Variants in MMP16 observed in about 807,000 individuals in gnomAD.
MMP16 encodes the protein matrix metalloproteinase-16.
MMP16 carries 12 observed loss-of-function variants against 67.8 expected under a neutral mutation model. The ratio of observed to expected loss-of-function variants is 0.18; its 90% CI spans 0.11 to 0.29. The LOEUF is 0.29. Ranked by LOEUF, MMP16 falls within the 10% of genes least tolerant of loss-of-function variation. The probability of loss-of-function intolerance (pLI) is 1.00; values close to 1 mark genes in which losing one functional copy is unlikely to be tolerated. For synonymous variants in MMP16, 249 were observed against 255.9 expected, an observed-to-expected ratio of 0.97 and a Z score of 0.26; for missense variants, 475 against 765.7, an observed-to-expected ratio of 0.62 and a Z score of 4.48.
chr8:88,307,398 C>A lies in MMP16; in HGVS notation c.132+19677G>T, dbSNP rs73292451. On this transcript the variant is annotated intron_variant, in intron 1 of 9. Coordinates refer to ENST00000286614, the MANE Select transcript of MMP16 (RefSeq NM_005941.5). The stretch of plus-strand genomic sequence containing the variant: ...TTGAAAACAAATTTTGTCCTCCTAT[C>A]ATTGTGATAGGAGGAAGCAACCAAT... Among the ~76,000 whole-genome samples the A allele has an allele frequency of 3.1e-3, 473 of 152,120 alleles. 3 individuals carry two copies. Among genetic ancestry groups the A allele is most frequent in the African/African-American group, 0.011 (437 of 41,538 alleles).
At chr8:88,083,792 A>G (rs1227684825) in intron 6 of MMP16, among the ~76,000 whole-genome samples, 1 of 152,080 alleles carries the variant, frequency 6.6e-6, no homozygotes. Flanking sequence ...ACTCCCAATT[A>G]AATAACTGGT....
At chr8:88,210,852 T>C (rs1434382407) in intron 1 of MMP16, among the ~76,000 whole-genome samples, 1 of 152,144 alleles carries the variant, frequency 6.6e-6, no homozygotes. Context: ...TGATACTCAA[T>C]GTAAACAACA....
rs185281253 is a variant in MMP16 at position 88,215,975 on chromosome 8, C to T, written c.133-18669G>A. Among the ~76,000 whole-genome samples, 171 of 152,216 alleles carry T rather than the reference C, an allele frequency of 1.1e-3. 4 individuals carry two copies. The highest frequency in any genetic ancestry group is 7.9e-3 in the Admixed American group (120 of 15,286). On this transcript the variant is annotated intron_variant, in intron 1 of 9. Transcript: ENST00000286614. ...AACCATCAGATAATGACCATGCATG[C>T]TCAAAATATTTGGTATGATTTTACA...
At chr8:88,321,818 A>G (rs1365954650) in intron 1 of MMP16, among the ~76,000 whole-genome samples, 2 of 152,166 alleles carry the variant, frequency 1.3e-5, no homozygotes, top group African/African-American at 4.8e-5. Context: ...TGCAGATGAG[A>G]TATCAAATAA....
At chr8:88,222,930 T>G (rs1443487068) in intron 1 of MMP16, among the ~76,000 whole-genome samples, 2 of 152,018 alleles carry the variant, frequency 1.3e-5, no homozygotes, top group East Asian at 1.9e-4. Flanking sequence ...GGGAGAAAAT[T>G]TTTGCAATCC....
chr8:88,275,217 T>C (rs780897441), intron 1 of MMP16, among the ~76,000 whole-genome samples: 5 of 151,694 alleles, frequency 3.3e-5, no homozygotes, highest in Non-Finnish European at 5.9e-5. Flanking sequence ...TAAGTAAAGA[T>C]TAAAAAGACT....
At chr8:88,265,521 C>A (rs1211170724) in intron 1 of MMP16, among the ~76,000 whole-genome samples, 1 of 152,026 alleles carries the variant, frequency 6.6e-6, no homozygotes, top group Non-Finnish European at 1.5e-5. Flanking sequence ...ATGACAGAGA[C>A]AACCTAGTAA....
chr8:88,277,624 C>T (rs551075749), intron 1 of MMP16, among the ~76,000 whole-genome samples: 140 of 152,176 alleles, frequency 9.2e-4, no homozygotes, highest in African/African-American at 3.1e-3. Flanking sequence ...CCTTTGTAAA[C>T]CATAAGGGTA....
rs549968192 is a variant in MMP16, at chr8:88,196,213, G to T, written c.281+945C>A. Reference sequence around the variant, plus strand: ...ATGCTTGTCTTTCCTATTGTTGAAGGTTGATGTACCATGATCAAACTAAGT... The same window carrying T: ...ATGCTTGTCTTTCCTATTGTTGAAGTTTGATGTACCATGATCAAACTAAGT... On this transcript the variant is annotated intron_variant, in intron 2 of 9. Coordinates refer to ENST00000286614, the MANE Select transcript of MMP16 (RefSeq NM_005941.5). Among the ~76,000 whole-genome samples, 10 of 152,206 alleles carry T rather than the reference G, an allele frequency of 6.6e-5. 1 individual carries two copies.
chr8:88,068,724 C>T (rs1808495073), intron 7 of MMP16, among the ~76,000 whole-genome samples: 1 of 151,880 alleles, frequency 6.6e-6, no homozygotes, highest in African/African-American at 2.4e-5. Flanking sequence ...TTTTTTGAGA[C>T]AGAGTCTTGC....
intron 4 of MMP16, among the ~76,000 whole-genome samples, chr8:88,167,448 A>C (rs1004485889): frequency 1.3e-5 from 2 of 152,190 alleles, no homozygotes; most frequent in Non-Finnish European, 2.9e-5. Context: ...GATACAGTAT[A>C]AGGTTCTAAT....
intron 1 of MMP16, among the ~76,000 whole-genome samples, chr8:88,314,700 T>G (rs895623049): frequency 3.3e-5 from 5 of 152,212 alleles, no homozygotes; most frequent in Non-Finnish European, 5.9e-5. Flanking sequence ...TTGCCAGGCC[T>G]TCATGAACAC....
intron 1 of MMP16, among the ~76,000 whole-genome samples, chr8:88,214,219 C>A (rs1211934373): frequency 1.3e-5 from 2 of 152,198 alleles, no homozygotes; most frequent in Non-Finnish European, 2.9e-5. Context: ...CTCTCACATT[C>A]ATCAGGCAAA....
At chr8:88,223,970 T>C (rs866939559) in intron 1 of MMP16, among the ~76,000 whole-genome samples, 1 of 151,834 alleles carries the variant, frequency 6.6e-6, no homozygotes, top group African/African-American at 2.4e-5. Flanking sequence ...TGATGAAGGA[T>C]AGGAGAGCCA....
chr8:88,264,031 C>CATATAT (rs1491101969), intron 1 of MMP16, among the ~76,000 whole-genome samples: 87 of 40,338 alleles, frequency 2.2e-3, no homozygotes, highest in African/African-American at 4.6e-3. Flanking sequence ...ACAAAAATGG[C>CATATAT]ACATATATAT....
At chr8:88,113,337 AC>A (rs1262906201) in intron 6 of MMP16, among the ~76,000 whole-genome samples, 1 of 151,740 alleles carries the variant, frequency 6.6e-6, no homozygotes, top group Admixed American at 6.6e-5. Flanking sequence ...TCAAGAAGCT[AC>A]CCCCAGACAT....
rs1230605988 is a variant in MMP16, at chr8:88,145,051, C to A, written c.709+22618G>T. Among the ~76,000 whole-genome samples, 2 of 151,960 alleles carry A rather than the reference C, an allele frequency of 1.3e-5. 1 individual carries two copies. Among genetic ancestry groups the A allele is most frequent in the Non-Finnish European group, 2.9e-5 (2 of 67,874 alleles). ...CCCGCAATTGCCTGTAGAGTGTCTTCAAACACTATTCTATTTTTAATACCC... is the reference window on the plus strand; with the variant it reads ...CCCGCAATTGCCTGTAGAGTGTCTTAAAACACTATTCTATTTTTAATACCC... On this transcript the variant is annotated intron_variant, in intron 4 of 9. Coordinates refer to ENST00000286614, the MANE Select transcript of MMP16 (RefSeq NM_005941.5).
intron 1 of MMP16, among the ~76,000 whole-genome samples, chr8:88,234,195 G>A (rs75607588): frequency 0.033 from 5,097 of 152,172 alleles, 225 homozygotes; most frequent in African/African-American, 0.1. Flanking sequence ...TCATATTACC[G>A]AATAGCAGAT....
intron 1 of MMP16, among the ~76,000 whole-genome samples, chr8:88,220,875 A>G (rs1208796610): frequency 6.6e-6 from 1 of 152,108 alleles, no homozygotes; most frequent in Non-Finnish European, 1.5e-5. Flanking sequence ...GATTGAGTAT[A>G]TGTATTTCTG....
Sources: gnomAD v4.1 joint callset for allele counts (sites outside exome capture counted in the v4.1 genomes callset) on GRCh38, gnomAD v4.1.1 for gene constraint, MANE v1.5 for transcripts, NCBI Gene and HGNC (gene_info 2026-07-23, HGNC 2026-07-21) for gene names.